Variants in STARD9 observed in about 807,000 individuals in gnomAD.
STARD9 encodes the protein StAR related lipid transfer domain containing 9, also known as stAR-related lipid transfer protein 9.
Under a neutral mutation model 399.8 loss-of-function variants are expected in STARD9, and 346 were observed. The observed-to-expected ratio is 0.87, with a 90% CI of 0.79 to 0.95. The LOEUF (loss-of-function observed/expected upper bound fraction) is 0.95. STARD9 is among the 40% of genes least tolerant of loss of function. The probability of loss-of-function intolerance (pLI) is 0.00; values close to 1 mark genes in which losing one functional copy is unlikely to be tolerated. For missense variants in STARD9, 5,832 were observed against 5,667.5 expected, an observed-to-expected ratio of 1.03 and a Z score of -0.93; for synonymous variants, 2,203 against 2,143.5, an observed-to-expected ratio of 1.03 and a Z score of -0.77.
intron 15 of STARD9, among the ~76,000 whole-genome samples, chr15:42,667,193 TA>T (rs1044282878): frequency 3.8e-4 from 58 of 151,626 alleles, no homozygotes; most frequent in African/African-American, 1.4e-3. Context: ...TTTTTTATGT[TA>T]TTTTTTTTGA....
At chr15:42,646,385 C>CTTAG (rs369806954) in intron 7 of STARD9, among the ~76,000 whole-genome samples, 29 of 152,342 alleles carry the variant, frequency 1.9e-4, no homozygotes, top group African/African-American at 7.0e-4. Flanking sequence ...CCTTCATTAT[C>CTTAG]TTAGCTTTAG....
chr15:42,720,695 T>G lies in STARD9; in HGVS notation c.*1121T>G, dbSNP rs970534725. 1.1e-4 allele frequency: 17 copies of G among 152,208 alleles called. No individual in the cohort carries two copies. The highest frequency in any genetic ancestry group is 5.9e-4 in the Admixed American group (9 of 15,284). The allele number at this position is 152,208 out of a possible 1,614,324, so 9.4% of individuals were successfully genotyped here. ...TCTGGTGCCCAAAATCTTTGGTAGA[T>G]GGAGGGAACTGGGGATTCAGAAGAT... is the stretch of plus-strand genomic sequence containing the variant. On this transcript the variant is annotated 3_prime_UTR_variant, in exon 33 of 33. Coordinates refer to ENST00000290607, the MANE Select transcript of STARD9 (RefSeq NM_020759.3).
chr15:42,642,862 G>A lies in STARD9; in HGVS notation c.559+4050G>A, dbSNP rs145656387. ...CATCCAGGCCGGAGTGCAGTGGCACGATCGTGACTCACTGCAGCCTCAAAC... is the reference window on the plus strand; with the variant it reads ...CATCCAGGCCGGAGTGCAGTGGCACAATCGTGACTCACTGCAGCCTCAAAC... On this transcript the variant is annotated intron_variant, in intron 7 of 32. Coordinates refer to ENST00000290607, the MANE Select transcript of STARD9 (RefSeq NM_020759.3). 1.1e-3 allele frequency among the ~76,000 whole-genome samples: 166 copies of A among 152,130 alleles called. 1 individual carries two copies. Among genetic ancestry groups the A allele is most frequent in the African/African-American group, 3.9e-3 (160 of 41,512 alleles).
At chr15:42,706,279 T>C (rs1008562769) in intron 26 of STARD9, among the ~76,000 whole-genome samples, 9 of 152,166 alleles carry the variant, frequency 5.9e-5, no homozygotes, top group African/African-American at 2.2e-4. Flanking sequence ...TCTAAGTATT[T>C]TAAGTTTTTT....
chr15:42,614,315 A>C (rs2058913059), intron 3 of STARD9, among the ~76,000 whole-genome samples: 1 of 152,126 alleles, frequency 6.6e-6, no homozygotes, highest in Admixed American at 6.6e-5. Flanking sequence ...CAAAAAAAAA[A>C]AAAATTATAA....
At position 42,693,462 on chromosome 15, in the gene STARD9, C is replaced by T. The variant is rs918916909; in HGVS notation, c.11884C>T (p.Gln3962Ter). ...SQTTDELGGS[Q>*]RGRSSLQRSN... is the part of the protein sequence containing the mutation. ...AACCACTGACGAGTTAGGTGGCTCC[C>T]AGAGAGGTAGAAGTTCCTTACAAAG... The change falls in exon 23 of 33, where the codon CAG becomes TAG. Residue 3962 changes from glutamine to a stop codon, truncating the protein, a stop_gained. Transcript: ENST00000290607. LOFTEE classifies it high-confidence loss of function. 1.3e-6 allele frequency: 2 copies of T among 1,537,244 alleles called. No individual in the cohort carries two copies. The highest frequency in any genetic ancestry group is 1.7e-6 in the Non-Finnish European group (2 of 1,146,904).
At chr15:42,659,222 A>T (rs1185625649) in intron 9 of STARD9, among the ~76,000 whole-genome samples, 5 of 152,234 alleles carry the variant, frequency 3.3e-5, no homozygotes, top group African/African-American at 1.2e-4. Flanking sequence ...ATATATAAAG[A>T]ACTCTCTAAA....
rs369695076 is a variant in STARD9, at chr15:42,709,859, TTTCTC to T, written c.13285-6816_13285-6812del. ...TATTCTACATTTATTAATTGGAACT[TTTCTC>T]TAAGAAAGTGCAGTCCCTTCTTCCG... On this transcript the variant is annotated intron_variant, in intron 26 of 32. Transcript: ENST00000290607. Among the ~76,000 whole-genome samples the T allele has an allele frequency of 7.2e-4, 110 of 152,332 alleles. 1 individual carries two copies. Among genetic ancestry groups the T allele is most frequent in the Middle Eastern group, 3.4e-3 (1 of 294 alleles).
intron 20 of STARD9, among the ~76,000 whole-genome samples, chr15:42,679,059 A>C (rs1024400639): frequency 6.6e-6 from 1 of 152,178 alleles, no homozygotes; most frequent in South Asian, 2.1e-4. Flanking sequence ...GCAGATTGTA[A>C]ATCTGAAGGT....
chr15:42,577,157 T>C (rs2058072337), intron 1 of STARD9, among the ~76,000 whole-genome samples: 1 of 151,804 alleles, frequency 6.6e-6, no homozygotes, highest in East Asian at 1.9e-4. Context: ...TTCTTTCTTT[T>C]TTCTTTTTTT....
intron 9 of STARD9, among the ~76,000 whole-genome samples, chr15:42,656,236 A>T (rs1266188519): frequency 6.8e-6 from 1 of 147,142 alleles, no homozygotes; most frequent in African/African-American, 2.5e-5. Context: ...AGTCCCAGCT[A>T]CTCACGAGGC....
At chr15:42,605,298 C>T (rs888503822) in intron 3 of STARD9, among the ~76,000 whole-genome samples, 2 of 152,138 alleles carry the variant, frequency 1.3e-5, no homozygotes, top group African/African-American at 4.8e-5. Context: ...GCAGAGTTGA[C>T]AGTTTCTTAT....
chr15:42,660,352 G>T (rs2059969762), intron 9 of STARD9, among the ~76,000 whole-genome samples: 1 of 151,924 alleles, frequency 6.6e-6, no homozygotes, highest in South Asian at 2.1e-4. Context: ...ATCACCTGAG[G>T]TCAGGAGTTC....
Position 42,684,805 on chromosome 15 carries a change from A to T in STARD9, c.3227A>T (p.Asp1076Val). 1 of 1,537,154 alleles carries T rather than the reference A, an allele frequency of 6.5e-7. No individual in the cohort carries two copies. The highest frequency in any genetic ancestry group is 8.7e-7 in the Non-Finnish European group (1 of 1,146,918). Reference protein sequence around the residue: ...SPLKRQQNTRDPDTMVPLTDF... With the variant: ...SPLKRQQNTRVPDTMVPLTDF... Reference sequence around the variant, plus strand: ...TTGAAGAGACAACAAAATACAAGGGACCCAGACACCATGGTCCCACTCACA... The same window carrying T: ...TTGAAGAGACAACAAAATACAAGGGTCCCAGACACCATGGTCCCACTCACA... Residue 1076 changes from aspartate to valine, a missense_variant, in exon 23 of 33, where the codon GAC becomes GTC. This residue lies in a region of STARD9 where 5,828 missense variants were observed against 5,651.1 expected (regional missense o/e 1.03). Transcript: ENST00000290607.
intron 28 of STARD9, among the ~76,000 whole-genome samples, 181 bp downstream of exon 28, chr15:42,717,229 A>T (rs572892835): frequency 1.4e-4 from 21 of 152,234 alleles, no homozygotes; most frequent in African/African-American, 5.1e-4. Context: ...TCATGCCTAT[A>T]ATCCCAACAT....
Position 42,665,833 on chromosome 15 carries a change from C to T in STARD9, c.1302C>T (p.Leu434=). 6.5e-7 allele frequency: 1 copy of T among 1,537,140 alleles called. No individual in the cohort carries two copies. Among genetic ancestry groups the T allele is most frequent in the Non-Finnish European group, 8.7e-7 (1 of 1,146,840 alleles). The change falls in exon 15 of 33, where the codon CTC becomes CTT. Residue 434 remains leucine, a synonymous_variant. Transcript: ENST00000290607. The part of the protein sequence containing the change: ...LSDENLKELV[L]QNELKIDQLT... ...ATGAAAACCTGAAGGAGCTGGTTCT[C>T]CAAAATGAATTGAAGGTGGGTGTGT... is the stretch of plus-strand genomic sequence containing the variant.
chr15:42,580,777 A>T (rs2141649669), intron 1 of STARD9, among the ~76,000 whole-genome samples: 1 of 152,158 alleles, frequency 6.6e-6, no homozygotes, highest in East Asian at 1.9e-4. Context: ...ATGCCACTGC[A>T]CTCCACTCCA....
At chr15:42,580,649 G>C (rs1021761515) in intron 1 of STARD9, among the ~76,000 whole-genome samples, 2 of 151,982 alleles carry the variant, frequency 1.3e-5, no homozygotes, top group Non-Finnish European at 2.9e-5. Flanking sequence ...CCCCGTCTCA[G>C]CTAAAAAATA....
At position 42,691,165 on chromosome 15, in the gene STARD9, G is replaced by A; in HGVS notation, c.9587G>A (p.Arg3196Lys). Residue 3196 changes from arginine to lysine, a missense_variant, in exon 23 of 33, where the codon AGG becomes AAG. Physicochemically the swap from Arg to Lys is conservative, Grantham distance 26. Coordinates refer to ENST00000290607, the MANE Select transcript of STARD9 (RefSeq NM_020759.3). Reference protein sequence around the residue: ...RLDSQAKFVARLKHTCSPQED... With the variant: ...RLDSQAKFVAKLKHTCSPQED... ...GATTCCCAAGCCAAGTTTGTAGCAA[G>A]GTTAAAACATACCTGCAGCCCCCAG... 1 of 1,537,276 alleles carries A rather than the reference G, an allele frequency of 6.5e-7. No individual in the cohort carries two copies. The highest frequency in any genetic ancestry group is 8.7e-7 in the Non-Finnish European group (1 of 1,146,928).
Sources: gnomAD v4.1 joint callset for allele counts (sites outside exome capture counted in the v4.1 genomes callset) on GRCh38, gnomAD v4.1.1 for gene constraint, gnomAD v4.1.1 regional missense constraint, MANE v1.5 for transcripts, NCBI Gene and HGNC (gene_info 2026-07-23, HGNC 2026-07-21) for gene names.